The following AGAP1 variants were observed in gnomAD, a reference collection of about 807,000 sequenced individuals.
AGAP1 encodes ArfGAP with GTPase domain, ankyrin repeat and PH domain 1.
In AGAP1, 29 loss-of-function variants were observed where a neutral mutation model predicts 105.3. That is an observed-to-expected ratio of 0.28 (90% confidence interval 0.21 to 0.38). AGAP1 has a LOEUF of 0.38. Among genes scored for constraint, AGAP1 ranks in the 10% least tolerant of loss-of-function variants. The pLI, the probability that AGAP1 is intolerant of heterozygous loss-of-function variation, is 1.00. For missense variants in AGAP1, 998 were observed against 1,165.1 expected, an observed-to-expected ratio of 0.86 and a Z score of 2.09; for synonymous variants, 509 against 485.9, an observed-to-expected ratio of 1.05 and a Z score of -0.63.
intron 11 of AGAP1, among the ~76,000 whole-genome samples, chr2:235,921,546 A>G (rs2052183472): frequency 6.6e-6 from 1 of 152,186 alleles, no homozygotes; most frequent in South Asian, 2.1e-4. Flanking sequence ...AGCTGTTTCT[A>G]CGTTGTAGGA....
intron 1 of AGAP1, among the ~76,000 whole-genome samples, chr2:235,512,703 C>T (rs746519658): frequency 1.3e-5 from 2 of 152,192 alleles, no homozygotes; most frequent in Non-Finnish European, 2.9e-5. Flanking sequence ...GCAAAGGCAT[C>T]TGAGCTGGAG....
At chr2:235,606,507 G>T (rs1332885955) in intron 1 of AGAP1, among the ~76,000 whole-genome samples, 1 of 152,100 alleles carries the variant, frequency 6.6e-6, no homozygotes, top group Non-Finnish European at 1.5e-5. Flanking sequence ...CATCCATAAT[G>T]AACCTTTTTT....
intron 3 of AGAP1, among the ~76,000 whole-genome samples, chr2:235,722,597 T>C: frequency 6.6e-6 from 1 of 152,090 alleles, no homozygotes. Context: ...CTTTTTCTTA[T>C]AAGGACACCA....
intron 16 of AGAP1, among the ~76,000 whole-genome samples, chr2:236,074,667 A>G (rs1481299610): frequency 1.3e-5 from 2 of 152,242 alleles, no homozygotes; most frequent in Non-Finnish European, 2.9e-5. Context: ...AAATTTCTTC[A>G]GTGCAAAGCA....
At chr2:236,110,017 A>T (rs1303994872) in intron 16 of AGAP1, among the ~76,000 whole-genome samples, 2 of 152,126 alleles carry the variant, frequency 1.3e-5, no homozygotes, top group Non-Finnish European at 2.9e-5. Flanking sequence ...GATGTTTCCT[A>T]ATTTGGGAGG....
rs187612103 is a variant in AGAP1, at chr2:236,003,910, G to A, written c.1646-32651G>A. ...AAATAATACATACATGGTATAGATT[G>A]ATGCATAAAACAGTCAGCCCCTGGA... On this transcript the variant is annotated intron_variant, in intron 13 of 17. Coordinates refer to ENST00000304032, the MANE Select transcript of AGAP1 (RefSeq NM_001037131.3). The surrounding 1 kb of genome is among the most constrained non-coding windows in gnomAD (Gnocchi z 4.2). 4.6e-5 allele frequency among the ~76,000 whole-genome samples: 7 copies of A among 152,166 alleles called. No homozygotes were observed. The highest frequency in any genetic ancestry group is 2.0e-4 in the Admixed American group (3 of 15,280).
intron 1 of AGAP1, among the ~76,000 whole-genome samples, chr2:235,667,738 A>T (rs190422197): frequency 6.6e-6 from 1 of 152,102 alleles, no homozygotes; most frequent in Admixed American, 6.5e-5. Flanking sequence ...AGGTGGGCAG[A>T]TCATGAGGTC....
Position 235,719,702 on chromosome 2 carries a change from G to A in AGAP1, c.310+2058G>A, listed in dbSNP as rs1951287689. On this transcript the variant is annotated intron_variant, in intron 3 of 17. Transcript: ENST00000304032. This position sits in a 1 kb window ranked among gnomAD's most constrained non-coding sequence, Gnocchi z 4.9. ...CCATGCCCAAGGCTTCCTGGGTCAG[G>A]GGAAAGATCATGATCCCTGACCTTT... 6.6e-6 allele frequency among the ~76,000 whole-genome samples: 1 copy of A among 152,188 alleles called. No homozygotes were observed. Among genetic ancestry groups the A allele is most frequent in the South Asian group, 2.1e-4 (1 of 4,834 alleles).
intron 16 of AGAP1, among the ~76,000 whole-genome samples, chr2:236,116,063 C>T (rs1416069712): frequency 1.3e-5 from 2 of 152,028 alleles, no homozygotes; most frequent in East Asian, 1.9e-4. Context: ...GCCTCGGCCT[C>T]CCGGAGTGTG....
Position 235,709,170 on chromosome 2 carries a change from C to T in AGAP1, c.164-9C>T, listed in dbSNP as rs750735134. The T allele has an allele frequency of 6.2e-7, 1 of 1,614,070 alleles. No individual in the cohort carries two copies. Among genetic ancestry groups the T allele is most frequent in the Admixed American group, 1.7e-5 (1 of 60,016 alleles). ...ATGGTGTCTGACTTTGTGTCCTCCTCTTTTTCAGATGCCTTCGTGAACAGC... is the reference window on the plus strand; with the variant it reads ...ATGGTGTCTGACTTTGTGTCCTCCTTTTTTTCAGATGCCTTCGTGAACAGC... On this transcript the variant is annotated splice_polypyrimidine_tract_variant and intron_variant, in intron 1 of 17. Transcript: ENST00000304032.
chr2:236,026,886 G>A (rs536124445), intron 13 of AGAP1, among the ~76,000 whole-genome samples: 6 of 152,318 alleles, frequency 3.9e-5, no homozygotes, highest in Non-Finnish European at 7.4e-5. Context: ...CCCCTATGCC[G>A]TCTTTGATTC....
chr2:235,821,517 G>A (rs373053214), intron 9 of AGAP1, among the ~76,000 whole-genome samples: 8 of 150,792 alleles, frequency 5.3e-5, no homozygotes, highest in African/African-American at 2.0e-4. Flanking sequence ...CCGAGTAGCC[G>A]GGACTACAGG....
At chr2:235,637,276 C>CT (rs756539181) in intron 1 of AGAP1, among the ~76,000 whole-genome samples, 58 of 152,016 alleles carry the variant, frequency 3.8e-4, no homozygotes, top group Non-Finnish European at 6.9e-4. Context: ...CAAAATGTGA[C>CT]TTTTTTTAAA....
chr2:235,772,208 G>A (rs1955516119), intron 6 of AGAP1, among the ~76,000 whole-genome samples: 1 of 151,936 alleles, frequency 6.6e-6, no homozygotes, highest in Non-Finnish European at 1.5e-5. Context: ...GGCCAGGCTG[G>A]TCTCGAATCC....
At chr2:235,762,102 C>G (rs1459376382) in intron 6 of AGAP1, among the ~76,000 whole-genome samples, 1 of 135,346 alleles carries the variant, frequency 7.4e-6, no homozygotes, top group African/African-American at 2.7e-5. Flanking sequence ...AAGAGGAAAA[C>G]TCCGTCTCAA....
At chr2:236,048,962 T>A in intron 15 of AGAP1, 97 bp from the exon 16 acceptor site, 1 of 1,194,604 alleles carries the variant, frequency 8.4e-7, no homozygotes, top group Non-Finnish European at 1.2e-6. Context: ...TCTGTCGTTG[T>A]GAAGTTTGAC....
chr2:236,040,973 G>A lies in AGAP1; in HGVS notation c.1891+132G>A. On this transcript the variant is annotated intron_variant, in intron 15 of 17. Coordinates refer to ENST00000304032, the MANE Select transcript of AGAP1 (RefSeq NM_001037131.3). The surrounding 1 kb of genome is among the most constrained non-coding windows in gnomAD (Gnocchi z 5.6). ...AAGAGTTAACTGCTTTTAGGAAATTGAGATATTTTGTTTGGATTTTACCTT... is the reference window on the plus strand; with the variant it reads ...AAGAGTTAACTGCTTTTAGGAAATTAAGATATTTTGTTTGGATTTTACCTT... The A allele has an allele frequency of 1.1e-6, 1 of 885,742 alleles. No individual in the cohort carries two copies. Among genetic ancestry groups the A allele is most frequent in the Non-Finnish European group, 1.7e-6 (1 of 576,482 alleles). The allele number at this position is 885,742 out of a possible 1,614,324, so 54.9% of individuals were successfully genotyped here. A position where few individuals can be genotyped will look rare whatever the true frequency, so the allele number is the denominator to read the frequency against.
Position 236,077,140 on chromosome 2 carries a change from A to ATAT in AGAP1, c.2114+27859_2114+27860insTAT, listed in dbSNP as rs1239013558. Among the ~76,000 whole-genome samples the ATAT allele has an allele frequency of 3.1e-3, 390 of 127,854 alleles. 1 individual carries two copies. Among genetic ancestry groups the ATAT allele is most frequent in the African/African-American group, 0.011 (345 of 32,076 alleles). 83.9% of individuals were successfully genotyped at this position (127,854 alleles called of 152,430 possible). The stretch of plus-strand genomic sequence containing the variant: ...AAAAAAGAGTAGAAAAAAAAAAAAA[A>ATAT]AAATATATATATATATATATTCATA... On this transcript the variant is annotated intron_variant, in intron 16 of 17. Transcript: ENST00000304032.
At position 235,931,455 on chromosome 2, in the gene AGAP1, T is replaced by TA. The variant is rs1180246874; in HGVS notation, c.1483+532_1483+533insA. Reference sequence around the variant, plus strand: ...TTGGCATTATTATTATTATTATTATTTTGACAAGTGTATCCAGCTTTTTGG... The same window carrying TA: ...TTGGCATTATTATTATTATTATTATTATTGACAAGTGTATCCAGCTTTTTGG... On this transcript the variant is annotated intron_variant, in intron 12 of 17. Coordinates refer to ENST00000304032, the MANE Select transcript of AGAP1 (RefSeq NM_001037131.3). The surrounding 1 kb of genome is among the most constrained non-coding windows in gnomAD (Gnocchi z 5.6). 4.8e-4 allele frequency among the ~76,000 whole-genome samples: 73 copies of TA among 152,160 alleles called. No individual in the cohort carries two copies. The highest frequency in any genetic ancestry group is 1.7e-3 in the African/African-American group (72 of 41,542).
Sources: gnomAD v4.1 joint callset for allele counts (sites outside exome capture counted in the v4.1 genomes callset) on GRCh38, gnomAD v4.1.1 for gene constraint, Gnocchi (gnomAD v3.1) non-coding constraint, MANE v1.5 for transcripts, NCBI Gene and HGNC (gene_info 2026-07-23, HGNC 2026-07-21) for gene names.